Variants in MYO3B observed in about 807,000 individuals in gnomAD.
MYO3B encodes the protein myosin-IIIb.
MYO3B carries 156 observed loss-of-function variants against 174.6 expected under a neutral mutation model. The observed-to-expected ratio is 0.89, with a 90% CI of 0.78 to 1.02. MYO3B has a LOEUF of 1.02. MYO3B is among the 50% of genes least tolerant of loss of function. MYO3B has a pLI of 0.00. For synonymous variants in MYO3B, 563 were observed against 569.1 expected (o/e 0.99, Z 0.15); for missense variants, 1,632 against 1,639.4 (o/e 1.00, Z 0.08).
chr2:170,514,780 C>T, intron 28 of MYO3B, 141 bp from the exon 29 acceptor site: 1 of 625,882 alleles, frequency 1.6e-6, no homozygotes, highest in Non-Finnish European at 2.8e-6. Flanking sequence ...GCACCAAGTT[C>T]ATAAGTGAGA....
In MYO3B at chr2:170,466,687, T is replaced by A; in HGVS notation, c.2990T>A (p.Ile997Asn). 1 of 1,614,182 alleles carries A rather than the reference T, an allele frequency of 6.2e-7. No individual in the cohort carries two copies. The change falls in exon 25 of 35, where the codon ATC becomes AAC. Residue 997 changes from isoleucine (I) to asparagine (N), a missense_variant. Physicochemically the swap from Ile to Asn is moderately radical, Grantham distance 149. Transcript: ENST00000408978. Reference sequence around the variant, plus strand: ...CGCCGCCAGGGCTATTCCCACCGCATCCTTTTTGAAGAATTTGTGAAAAGG... The same window carrying A: ...CGCCGCCAGGGCTATTCCCACCGCAACCTTTTTGAAGAATTTGTGAAAAGG... ...SIRRQGYSHRILFEEFVKRYY... is the reference protein window; with the variant it reads ...SIRRQGYSHRNLFEEFVKRYY...
In MYO3B at chr2:170,654,647, C is replaced by CAAAAA. The variant is rs1214280064; in HGVS notation, c.*1548_*1552dup. On this transcript the variant is annotated 3_prime_UTR_variant, in exon 35 of 35. Transcript: ENST00000408978. ...TGGGCGACAGGGCAAGACTCTGTCTCAAAAAAAAAAAAAAAAAAAAAAAAA... is the reference window on the plus strand; with the variant it reads ...TGGGCGACAGGGCAAGACTCTGTCTCAAAAAAAAAAAAAAAAAAAAAAAAAAAAAA... The CAAAAA allele has an allele frequency of 1.3e-4, 6 of 46,266 alleles. No homozygotes were observed. Among genetic ancestry groups the CAAAAA allele is most frequent in the Non-Finnish European group, 2.1e-4 (5 of 23,328 alleles). 2.9% of individuals were successfully genotyped at this position (46,266 alleles called of 1,614,324 possible).
chr2:170,237,352 C>T (rs1393497999), intron 7 of MYO3B, among the ~76,000 whole-genome samples: 1 of 152,058 alleles, frequency 6.6e-6, no homozygotes, highest in Non-Finnish European at 1.5e-5. Flanking sequence ...TTTAATGTGG[C>T]AACATAATTT....
Position 170,548,304 on chromosome 2 carries a change from G to T in MYO3B, c.3733+4316G>T, listed in dbSNP as rs144552195. Among the ~76,000 whole-genome samples, 51 of 152,154 alleles carry T rather than the reference G, an allele frequency of 3.4e-4. 1 individual carries two copies. The East Asian group carries it at 8.9e-3, about 27-fold the overall frequency. On this transcript the variant is annotated intron_variant, in intron 32 of 34. Transcript: ENST00000408978. ...TGTATTGGAGCTAAGAGAGCAAAAA[G>T]TAGAGTCATAGGAAATGAGGAGCCA...
At chr2:170,597,037 T>C (rs1420406695) in intron 32 of MYO3B, among the ~76,000 whole-genome samples, 3 of 152,096 alleles carry the variant, frequency 2.0e-5, no homozygotes, top group Non-Finnish European at 4.4e-5. Flanking sequence ...GTCCAACATT[T>C]ACCTTGCCCT....
intron 32 of MYO3B, among the ~76,000 whole-genome samples, chr2:170,635,741 T>C (rs1697409882): frequency 6.6e-6 from 1 of 152,194 alleles, no homozygotes. Context: ...TAAAATATTG[T>C]ATTTTAAACA....
At chr2:170,328,992 C>A (rs1424026088) in intron 7 of MYO3B, among the ~76,000 whole-genome samples, 3 of 151,938 alleles carry the variant, frequency 2.0e-5, no homozygotes, top group Admixed American at 2.0e-4. Context: ...GAAACACTGT[C>A]TCTACAAAAT....
Position 170,344,179 on chromosome 2 carries a change from C to T in MYO3B, c.815+8729C>T, listed in dbSNP as rs1046549843. 4.6e-5 allele frequency: 7 copies of T among 152,214 alleles called. 1 individual carries two copies. Among genetic ancestry groups the T allele is most frequent in the African/African-American group, 1.4e-4 (6 of 41,436 alleles). The allele number at this position is 152,214 out of a possible 1,614,324, so 9.4% of individuals were successfully genotyped here. On this transcript the variant is annotated intron_variant, in intron 8 of 34. Transcript: ENST00000408978. Reference sequence around the variant, plus strand: ...AAATGCAAGTCTCCTTACTTTAAGACTCTCTGGGCCAGGCACGGTGGCTCA... The same window carrying T: ...AAATGCAAGTCTCCTTACTTTAAGATTCTCTGGGCCAGGCACGGTGGCTCA...
rs190157357 is a variant in MYO3B at position 170,634,227 on chromosome 2, G to T, written c.3734-17401G>T. On this transcript the variant is annotated intron_variant, in intron 32 of 34. Coordinates refer to ENST00000408978, the MANE Select transcript of MYO3B (RefSeq NM_138995.5). ...ACCGGACTTCAAACAATACTACAAGGCTACAGTAACCAAAACAGCATGGTA... is the reference window on the plus strand; with the variant it reads ...ACCGGACTTCAAACAATACTACAAGTCTACAGTAACCAAAACAGCATGGTA... Among the ~76,000 whole-genome samples, 834 of 152,248 alleles carry T rather than the reference G, an allele frequency of 5.5e-3. 8 individuals carry two copies. Among genetic ancestry groups the T allele is most frequent in the Non-Finnish European group, 8.4e-3 (570 of 68,024 alleles).
intron 22 of MYO3B, among the ~76,000 whole-genome samples, chr2:170,439,519 T>C (rs1270946600): frequency 2.0e-5 from 3 of 152,212 alleles, no homozygotes; most frequent in African/African-American, 4.8e-5. Flanking sequence ...ATCTCTACAA[T>C]TCGTTGATTG....
chr2:170,623,142 C>T lies in MYO3B; in HGVS notation c.3734-28486C>T, dbSNP rs572643945. Among the ~76,000 whole-genome samples, 18 of 152,274 alleles carry T rather than the reference C, an allele frequency of 1.2e-4. No homozygotes were observed. The South Asian group carries it at 3.1e-3, about 26-fold the overall frequency. On this transcript the variant is annotated intron_variant, in intron 32 of 34. Coordinates refer to ENST00000408978, the MANE Select transcript of MYO3B (RefSeq NM_138995.5). ...TTCTAGTTCTAGATCCCTGAGGAATCGCCACACTGTCTTCCACAATGGTTG... is the reference window on the plus strand; with the variant it reads ...TTCTAGTTCTAGATCCCTGAGGAATTGCCACACTGTCTTCCACAATGGTTG...
chr2:170,631,617 T>TTGAAA (rs892170218), intron 32 of MYO3B, among the ~76,000 whole-genome samples: 19 of 151,126 alleles, frequency 1.3e-4, no homozygotes, highest in African/African-American at 4.4e-4. Flanking sequence ...TACACCAAAG[T>TTGAAA]TGAAATGAAG....
At chr2:170,182,458 G>T (rs1237958490) in intron 1 of MYO3B, among the ~76,000 whole-genome samples, 1 of 151,964 alleles carries the variant, frequency 6.6e-6, no homozygotes, top group Non-Finnish European at 1.5e-5. Context: ...TCTACTTTTG[G>T]TTTCTAGTCT....
intron 7 of MYO3B, among the ~76,000 whole-genome samples, chr2:170,311,084 T>C (rs2093736020): frequency 6.6e-6 from 1 of 152,224 alleles, no homozygotes; most frequent in Non-Finnish European, 1.5e-5. Flanking sequence ...ACTGTGAACA[T>C]GCATGTGTGT....
chr2:170,637,759 T>A (rs1328790988), intron 32 of MYO3B, among the ~76,000 whole-genome samples: 1 of 152,224 alleles, frequency 6.6e-6, no homozygotes, highest in Non-Finnish European at 1.5e-5. Flanking sequence ...CTGCCCTACT[T>A]GTACAAACGT....
intron 32 of MYO3B, among the ~76,000 whole-genome samples, chr2:170,627,801 T>C (rs181742572): frequency 8.5e-5 from 13 of 152,332 alleles, no homozygotes; most frequent in Middle Eastern, 3.4e-3. Flanking sequence ...CTGTTGGAGT[T>C]TGTTGGAGGT....
chr2:170,212,747 C>T lies in MYO3B; in HGVS notation c.322-1632C>T, dbSNP rs148426663. Among the ~76,000 whole-genome samples, 48 of 152,332 alleles carry T rather than the reference C, an allele frequency of 3.2e-4. No homozygotes were observed. The East Asian group carries it at 7.3e-3, about 23-fold the overall frequency. On this transcript the variant is annotated intron_variant, in intron 3 of 34. Coordinates refer to ENST00000408978, the MANE Select transcript of MYO3B (RefSeq NM_138995.5). ...GAGCTAAAGAGAGCAGGCTACTTCC[C>T]TGCATAAGGCGTGAATTCCCCGTGG... is the stretch of plus-strand genomic sequence containing the variant.
intron 22 of MYO3B, among the ~76,000 whole-genome samples, chr2:170,409,346 T>C (rs2094531253): frequency 6.6e-6 from 1 of 152,232 alleles, no homozygotes; most frequent in South Asian, 2.1e-4. Context: ...GCGTCTTTTT[T>C]ACCCCTCCCA....
intron 1 of MYO3B, among the ~76,000 whole-genome samples, chr2:170,195,527 G>A (rs150841892): frequency 4.6e-5 from 7 of 152,058 alleles, no homozygotes; most frequent in African/African-American, 1.2e-4. Context: ...TAAAATCCCC[G>A]CATTCACCAT....
Sources: gnomAD v4.1 joint callset for allele counts (sites outside exome capture counted in the v4.1 genomes callset) on GRCh38, gnomAD v4.1.1 for gene constraint, MANE v1.5 for transcripts, NCBI Gene and HGNC (gene_info 2026-07-23, HGNC 2026-07-21) for gene names.